SLC25A19: variants seen among roughly 807,000 people sequenced by gnomAD.
The protein encoded by SLC25A19 is solute carrier family 25 member 19.
In SLC25A19, 18 loss-of-function variants were observed where a neutral mutation model predicts 27.9. The ratio of observed to expected loss-of-function variants is 0.64; its 90% CI spans 0.45 to 0.96. The LOEUF is 0.96. SLC25A19 is among the 40% of genes least tolerant of loss of function. The pLI, the probability that SLC25A19 is intolerant of heterozygous loss-of-function variation, is 0.00. For missense variants in SLC25A19, 371 were observed against 418.3 expected (o/e 0.89, Z 0.99); for synonymous variants, 169 against 167.1 (o/e 1.01, Z -0.09).
intron 7 of SLC25A19, among the ~76,000 whole-genome samples, chr17:75,275,915 G>A (rs535618544): frequency 6.6e-6 from 1 of 152,122 alleles, no homozygotes; most frequent in East Asian, 1.9e-4. Context: ...AGGCTGCAGT[G>A]AGCCAAGATC....
intron 5 of SLC25A19, among the ~76,000 whole-genome samples, chr17:75,280,949 CA>C (rs557623020): frequency 2.6e-3 from 232 of 87,834 alleles, no homozygotes; most frequent in Admixed American, 2.5e-3. Flanking sequence ...AAACAACAAC[CA>C]AAAAAAAAAA....
Position 75,275,470 on chromosome 17 carries a change from G to A in SLC25A19, c.775-1831C>T, listed in dbSNP as rs150214807. On this transcript the variant is annotated intron_variant, in intron 7 of 7. Coordinates refer to ENST00000416858, the MANE Select transcript of SLC25A19 (RefSeq NM_001126121.2). ...GTCAGGCATATTTTTTCACACCTCC[G>A]CATCTCAGGTTCCCAGGATACAGAG... 2.9e-3 allele frequency among the ~76,000 whole-genome samples: 440 copies of A among 151,804 alleles called. 6 individuals carry two copies. The highest frequency in any genetic ancestry group is 0.01 in the African/African-American group (429 of 41,390).
intron 4 of SLC25A19, among the ~76,000 whole-genome samples, chr17:75,285,951 T>C (rs1374834117): frequency 6.6e-6 from 1 of 152,226 alleles, no homozygotes; most frequent in Non-Finnish European, 1.5e-5. Context: ...ACAGCTACCC[T>C]GCCCTCCTCA....
At chr17:75,273,716 T>C in intron 7 of SLC25A19, 77 bp from the exon 8 acceptor site, 1 of 1,343,590 alleles carries the variant, frequency 7.4e-7, no homozygotes, top group Non-Finnish European at 1.1e-6. Flanking sequence ...ATCACAGATC[T>C]TAAGAAGTAC....
At chr17:75,277,630 A>G in intron 6 of SLC25A19, 147 bp from the exon 7 acceptor site, 1 of 929,662 alleles carries the variant, frequency 1.1e-6, no homozygotes, top group Non-Finnish European at 1.7e-6. Flanking sequence ...CTCCCATTCC[A>G]AAAAGGAATG....
intron 7 of SLC25A19, 61 bp downstream of exon 7, chr17:75,277,292 T>C (rs1025869698): frequency 3.4e-5 from 54 of 1,598,320 alleles, no homozygotes; most frequent in Non-Finnish European, 4.5e-5. Flanking sequence ...GACTACTGGT[T>C]CCCTCATGTG....
In SLC25A19 at chr17:75,283,484, G is replaced by C. The variant is rs757559605; in HGVS notation, c.398C>G (p.Thr133Ser). The C allele has an allele frequency of 1.2e-6, 2 of 1,613,306 alleles. No homozygotes were observed. The highest frequency in any genetic ancestry group is 2.2e-5 in the South Asian group (2 of 90,938). Residue 133 changes from threonine to serine, a missense_variant, in exon 5 of 8, where the codon ACC becomes AGC. By Grantham distance (58) the Thr-to-Ser change is moderately conservative. Transcript: ENST00000416858. The part of the protein sequence containing the change: ...VCGGLAACMA[T>S]LTVHPVDVLR... ...AACATCCACGGGGTGCACAGTGAGG[G>C]TGGCCATACAGGCAGCCAGGCCACC...
rs1233750705 is a variant in SLC25A19 at position 75,286,808 on chromosome 17, T to C, written c.-38-6A>G. ...CAATGTCCATCAGTATCAAGCTAAA[T>C]GCAAGAGATACGGAATAAACACCAG... On this transcript the variant is annotated splice_polypyrimidine_tract_variant and splice_region_variant and intron_variant, in intron 2 of 7. Transcript: ENST00000416858. 6.2e-7 allele frequency: 1 copy of C among 1,613,210 alleles called. No homozygotes were observed. The highest frequency in any genetic ancestry group is 8.5e-7 in the Non-Finnish European group (1 of 1,179,604).
At position 75,281,090 on chromosome 17, in the gene SLC25A19, G is replaced by A. The variant is rs370568963; in HGVS notation, c.459+2333C>T. ...ACCTGTGGTCTTAGCTACTTGAGAGGTTGAGGCAGGAAGATTGCTTGAGCC... is the reference window on the plus strand; with the variant it reads ...ACCTGTGGTCTTAGCTACTTGAGAGATTGAGGCAGGAAGATTGCTTGAGCC... On this transcript the variant is annotated intron_variant, in intron 5 of 7. Coordinates refer to ENST00000416858, the MANE Select transcript of SLC25A19 (RefSeq NM_001126121.2). Among the ~76,000 whole-genome samples the A allele has an allele frequency of 1.3e-5, 2 of 152,174 alleles. 1 individual carries two copies. The highest frequency in any genetic ancestry group is 4.8e-5 in the African/African-American group (2 of 41,526).
chr17:75,286,042 G>A (rs895367248), intron 4 of SLC25A19, among the ~76,000 whole-genome samples: 2 of 152,166 alleles, frequency 1.3e-5, no homozygotes, highest in Non-Finnish European at 2.9e-5. Flanking sequence ...GCTGTCCTTC[G>A]CCAAGCCTCA....
At position 75,278,173 on chromosome 17, in the gene SLC25A19, G is replaced by GT; in HGVS notation, c.621dup (p.Pro208ThrfsTer8). The GT allele has an allele frequency of 6.2e-7, 1 of 1,613,836 alleles. No individual in the cohort carries two copies. The highest frequency in any genetic ancestry group is 8.5e-7 in the Non-Finnish European group (1 of 1,180,018). On this transcript the variant is annotated frameshift_variant, in exon 6 of 8. Transcript: ENST00000416858. LOFTEE classifies it high-confidence loss of function. ...TCACCATTTTTCTTTCCTTCGGCTG[G>GT]TATGGCCCACTTGTACAGGTGCTTC...
In SLC25A19 at chr17:75,278,320, G is replaced by A. The variant is rs749764776; in HGVS notation, c.475C>T (p.Arg159Cys). ...CTATACATGGTCCCCACGGCGTGGCGCAGCGTATTATAGACCTGGACACAC... is the reference window on the plus strand; with the variant it reads ...CTATACATGGTCCCCACGGCGTGGCACAGCGTATTATAGACCTGGACACAC... ...QGEPKVYNTL[R>C]HAVGTMYRSE... The change falls in exon 6 of 8, where the codon CGC becomes TGC. Residue 159 changes from arginine to cysteine, a missense_variant. Coordinates refer to ENST00000416858, the MANE Select transcript of SLC25A19 (RefSeq NM_001126121.2). 34 of 1,614,046 alleles carry A rather than the reference G, an allele frequency of 2.1e-5. No individual in the cohort carries two copies. Among genetic ancestry groups the A allele is most frequent in the South Asian group, 3.3e-5 (3 of 91,076 alleles).
At chr17:75,285,293 G>T (rs959463156) in intron 4 of SLC25A19, among the ~76,000 whole-genome samples, 1 of 151,680 alleles carries the variant, frequency 6.6e-6, no homozygotes, top group Non-Finnish European at 1.5e-5. Flanking sequence ...TTCTTTTTTT[G>T]AGACAGGGTC....
intron 4 of SLC25A19, among the ~76,000 whole-genome samples, chr17:75,285,877 AG>A (rs2078168304): frequency 1.3e-5 from 2 of 152,196 alleles, no homozygotes; most frequent in Admixed American, 1.3e-4. Context: ...TTCTAACCCT[AG>A]CCCCGCCATG....
intron 7 of SLC25A19, among the ~76,000 whole-genome samples, chr17:75,276,370 G>A (rs1334967909): frequency 6.6e-6 from 1 of 152,196 alleles, no homozygotes; most frequent in Non-Finnish European, 1.5e-5. Context: ...CCCCTTTTCT[G>A]TGTGCTTTAA....
chr17:75,273,494 C>T lies in SLC25A19; in HGVS notation c.920G>A (p.Cys307Tyr). 1 of 1,614,206 alleles carries T rather than the reference C, an allele frequency of 6.2e-7. No homozygotes were observed. The highest frequency in any genetic ancestry group is 8.5e-7 in the Non-Finnish European group (1 of 1,180,056). The change falls in exon 8 of 8, where the codon TGT (cysteine) becomes TAT (tyrosine). Residue 307 changes from cysteine (C) to tyrosine (Y), a missense_variant. Transcript: ENST00000416858. The part of the protein sequence containing the change: ...GFMFFSYEFF[C>Y]NVFHCMNRTA... The stretch of plus-strand genomic sequence containing the variant: ...CCTGTTCATGCAGTGGAAGACATTA[C>T]AGAAGAATTCATACGAGAAGAACAT...
chr17:75,278,219 C>G lies in SLC25A19; in HGVS notation c.576G>C (p.Gln192His), dbSNP rs1300370754. ...LIAIFPYAGL[Q>H]FSCYSSLKHL... Reference sequence around the variant, plus strand: ...GCTTCAAGGAGCTGTAGCAAGAGAACTGCAGCCCGGCGTAGGGGAAGATGG... The same window carrying G: ...GCTTCAAGGAGCTGTAGCAAGAGAAGTGCAGCCCGGCGTAGGGGAAGATGG... Residue 192 changes from glutamine to histidine, a missense_variant, in exon 6 of 8, where the codon CAG becomes CAC. By Grantham distance (24) the Gln-to-His change is conservative (BLOSUM62 0). Transcript: ENST00000416858. 3 of 1,613,930 alleles carry G rather than the reference C, an allele frequency of 1.9e-6. No homozygotes were observed. Among genetic ancestry groups the G allele is most frequent in the Non-Finnish European group, 1.7e-6 (2 of 1,180,034 alleles).
chr17:75,283,281 A>G (rs1167082559), intron 5 of SLC25A19, 142 bp downstream of exon 5: 5 of 918,542 alleles, frequency 5.4e-6, no homozygotes, highest in Non-Finnish European at 7.7e-6. Flanking sequence ...AGCCTGCATG[A>G]CAGAGCGAGA....
In SLC25A19 at chr17:75,286,640, CG is replaced by C; in HGVS notation, c.124del (p.Arg42ValfsTer49). ...LISPFDVIKIRFQLQHERLSR... is the reference protein window; with the variant it reads ...LISPFDVIKIXFQLQHERLSR... ...GAAAAAGGGGAAGAGTACCTGGAAA[CG>C]GATCTTGATGACGTCGAAGGGACTG... On this transcript the variant is annotated frameshift_variant, in exon 3 of 8. Coordinates refer to ENST00000416858, the MANE Select transcript of SLC25A19 (RefSeq NM_001126121.2). LOFTEE classifies it high-confidence loss of function. 6.2e-7 allele frequency: 1 copy of C among 1,614,158 alleles called. No individual in the cohort carries two copies.
Sources: gnomAD v4.1 joint callset for allele counts (sites outside exome capture counted in the v4.1 genomes callset) on GRCh38, gnomAD v4.1.1 for gene constraint, MANE v1.5 for transcripts, NCBI Gene and HGNC (gene_info 2026-07-23, HGNC 2026-07-21) for gene names.